Variants in PTPN14 observed in about 807,000 individuals in gnomAD.
PTPN14 encodes tyrosine-protein phosphatase non-receptor type 14.
Under a neutral mutation model 126.8 loss-of-function variants are expected in PTPN14, and 53 were observed. That is an observed-to-expected ratio of 0.42 (90% CI 0.34 to 0.53). The LOEUF (loss-of-function observed/expected upper bound fraction) is 0.53. Among genes scored for constraint, PTPN14 ranks in the 20% least tolerant of loss-of-function variants. PTPN14 has a pLI of 0.08. For synonymous variants in PTPN14, 630 were observed against 599.3 expected (o/e 1.05, Z -0.75); for missense variants, 1,257 against 1,552.9 (o/e 0.81, Z 3.20).
intron 1 of PTPN14, among the ~76,000 whole-genome samples, chr1:214,521,234 C>T (rs905356148): frequency 2.0e-5 from 3 of 152,156 alleles, no homozygotes; most frequent in Admixed American, 1.3e-4. Flanking sequence ...AATGCATACA[C>T]GAGTATGCTG....
rs535259799 is a variant in PTPN14 at position 214,476,403 on chromosome 1, G to T, written c.-154-11446C>A. Among the ~76,000 whole-genome samples, 3 of 152,316 alleles carry T rather than the reference G, an allele frequency of 2.0e-5. No homozygotes were observed. In the South Asian group the frequency reaches 6.2e-4, roughly 32 times the overall value. On this transcript the variant is annotated intron_variant, in intron 1 of 18. Coordinates refer to ENST00000366956, the MANE Select transcript of PTPN14 (RefSeq NM_005401.5). ...CGGAGAGGTGCGCCCTGCAGGGACAGAAGTAGCCAAGAAAGAAGGGCTCTC... is the reference window on the plus strand; with the variant it reads ...CGGAGAGGTGCGCCCTGCAGGGACATAAGTAGCCAAGAAAGAAGGGCTCTC...
chr1:214,424,826 G>A (rs1659624298), intron 3 of PTPN14, among the ~76,000 whole-genome samples: 1 of 152,222 alleles, frequency 6.6e-6, no homozygotes, highest in Non-Finnish European at 1.5e-5. Flanking sequence ...TGGGATTGCA[G>A]GTGTGAGACA....
At chr1:214,402,675 A>AAGTAAGGGAGGGAGGGAGGGAGGG (rs1659057568) in intron 6 of PTPN14, among the ~76,000 whole-genome samples, 1 of 40,296 alleles carries the variant, frequency 2.5e-5, no homozygotes, top group African/African-American at 1.3e-4. Flanking sequence ...GGAAGGAAGG[A>AAGTAAGGGAGGGAGGGAGGGAGGG]AGGGAGGGAG....
intron 3 of PTPN14, among the ~76,000 whole-genome samples, chr1:214,445,393 T>C (rs957946773): frequency 1.3e-5 from 2 of 152,100 alleles, no homozygotes; most frequent in Non-Finnish European, 2.9e-5. Context: ...TGCTCACCAT[T>C]AATAGGGTGG....
chr1:214,546,457 C>T (rs532609452), intron 1 of PTPN14, among the ~76,000 whole-genome samples: 67 of 152,270 alleles, frequency 4.4e-4, no homozygotes, highest in African/African-American at 1.4e-3. Flanking sequence ...GGAACTGTGG[C>T]TAATTTTCAA....
intron 5 of PTPN14, among the ~76,000 whole-genome samples, chr1:214,408,432 A>G (rs1316166918): frequency 6.6e-6 from 1 of 152,166 alleles, no homozygotes; most frequent in Non-Finnish European, 1.5e-5. Context: ...CCAACCAACC[A>G]ACAAACCAAC....
intron 2 of PTPN14, among the ~76,000 whole-genome samples, chr1:214,459,542 T>C: frequency 6.6e-6 from 1 of 150,468 alleles, no homozygotes; most frequent in Non-Finnish European, 1.5e-5. Flanking sequence ...CGATCTTGGT[T>C]CACTGCAACC....
In PTPN14 at chr1:214,386,592, A is replaced by G. The variant is rs931784418; in HGVS notation, c.1066+252T>C. Among the ~76,000 whole-genome samples, 7 of 152,282 alleles carry G rather than the reference A, an allele frequency of 4.6e-5. No individual in the cohort carries two copies. The South Asian group carries it at 1.0e-3, about 23-fold the overall frequency. On this transcript the variant is annotated intron_variant, in intron 12 of 18. Coordinates refer to ENST00000366956, the MANE Select transcript of PTPN14 (RefSeq NM_005401.5). ...CTCTCTTCTCTAAGCTCCCTTAGGA[A>G]AGGGAGGAGAAAAGGACTTGCTCGC... is the stretch of plus-strand genomic sequence containing the variant.
At chr1:214,437,173 T>G (rs998033089) in intron 3 of PTPN14, among the ~76,000 whole-genome samples, 49 of 152,278 alleles carry the variant, frequency 3.2e-4, no homozygotes, top group African/African-American at 1.1e-3. Context: ...TTATTTTATT[T>G]TTTTCTTAAT....
chr1:214,434,753 C>T (rs1659874886), intron 3 of PTPN14, among the ~76,000 whole-genome samples: 2 of 152,080 alleles, frequency 1.3e-5, no homozygotes, highest in Admixed American at 6.5e-5. Context: ...GAACCGAGAG[C>T]AGAATAGGGA....
rs1412211829 is a variant in PTPN14 at position 214,351,192 on chromosome 1, A to T, written c.*6730T>A. On this transcript the variant is annotated 3_prime_UTR_variant, in exon 19 of 19. Coordinates refer to ENST00000366956, the MANE Select transcript of PTPN14 (RefSeq NM_005401.5). The stretch of plus-strand genomic sequence containing the variant: ...AAACCCCGTCTCTACTAAAAATATA[A>T]AAATTAGCCGGGTGTGGTGGTGCAC... 8 of 151,960 alleles carry T rather than the reference A, an allele frequency of 5.3e-5. No individual in the cohort carries two copies. Among genetic ancestry groups the T allele is most frequent in the Non-Finnish European group, 1.0e-4 (7 of 68,028 alleles). The allele number at this position is 151,960 out of a possible 1,614,324, so 9.4% of individuals were successfully genotyped here.
At chr1:214,412,308 A>AT (rs1659326853) in intron 4 of PTPN14, among the ~76,000 whole-genome samples, 1 of 152,244 alleles carries the variant, frequency 6.6e-6, no homozygotes, top group African/African-American at 2.4e-5. Context: ...AAAATGAAAT[A>AT]TATAAAGTCT....
chr1:214,455,052 G>T (rs992994550), intron 2 of PTPN14, among the ~76,000 whole-genome samples: 1 of 152,200 alleles, frequency 6.6e-6, no homozygotes, highest in Admixed American at 6.5e-5. Context: ...TCCTACTCTG[G>T]AGTAGAAAGA....
chr1:214,490,416 A>G (rs1288065014), intron 1 of PTPN14, among the ~76,000 whole-genome samples: 2 of 152,204 alleles, frequency 1.3e-5, no homozygotes, highest in African/African-American at 2.4e-5. Flanking sequence ...TATAGTTAAA[A>G]ATCATATTGT....
intron 8 of PTPN14, among the ~76,000 whole-genome samples, chr1:214,396,195 C>A (rs1649741683): frequency 6.6e-6 from 1 of 152,170 alleles, no homozygotes; most frequent in Non-Finnish European, 1.5e-5. Flanking sequence ...CTCTTTATGG[C>A]AGCTATTTTT....
At position 214,414,714 on chromosome 1, in the gene PTPN14, G is replaced by A. The variant is rs769489041; in HGVS notation, c.357C>T (p.Tyr119=). 6 of 1,613,102 alleles carry A rather than the reference G, an allele frequency of 3.7e-6. 1 individual carries two copies. The Admixed American group carries it at 5.0e-5, about 13-fold the overall frequency. ...LQQEATRYQY[Y]LQVKKDVLEG... is the part of the protein sequence containing the mutation. ...CAAGCACATCTTTTTTGACTTGCAG[G>A]TAATACTGATATCTGTTCATGGGAA... The change falls in exon 4 of 19, where the codon TAC becomes TAT. Residue 119 remains tyrosine, a synonymous_variant. Coordinates refer to ENST00000366956, the MANE Select transcript of PTPN14 (RefSeq NM_005401.5).
intron 1 of PTPN14, among the ~76,000 whole-genome samples, chr1:214,506,501 A>G (rs1376649498): frequency 6.6e-6 from 1 of 151,446 alleles, no homozygotes; most frequent in Non-Finnish European, 1.5e-5. Flanking sequence ...TGGAAGATAG[A>G]GATCCTGTGT....
At chr1:214,442,863 GC>G (rs1660065513) in intron 3 of PTPN14, among the ~76,000 whole-genome samples, 1 of 148,126 alleles carries the variant, frequency 6.8e-6, no homozygotes, top group Admixed American at 6.8e-5. Flanking sequence ...CACTCTTGTT[GC>G]CCAGACTGGA....
intron 1 of PTPN14, among the ~76,000 whole-genome samples, chr1:214,549,020 A>G (rs1210598707): frequency 6.6e-6 from 1 of 152,176 alleles, no homozygotes; most frequent in Non-Finnish European, 1.5e-5. Flanking sequence ...AGGTCCCTAC[A>G]CCTTCAGGAA....
Sources: allele counts gnomAD v4.1 joint callset (sites outside exome capture counted in the v4.1 genomes callset), GRCh38; gene constraint gnomAD v4.1.1; transcripts MANE v1.5; gene names NCBI Gene and HGNC (gene_info 2026-07-23, HGNC 2026-07-21).